The following ATG7 variants were observed in gnomAD, a reference collection of about 807,000 sequenced individuals.
The protein encoded by ATG7 is autophagy related 7.
ATG7 carries 70 observed loss-of-function variants against 82.4 expected under a neutral mutation model. That is an observed-to-expected ratio of 0.85 (90% CI 0.70 to 1.04). The LOEUF (loss-of-function observed/expected upper bound fraction) is 1.04. ATG7 is among the 50% of genes least tolerant of loss of function. The pLI, the probability that ATG7 is intolerant of heterozygous loss-of-function variation, is 0.00. For synonymous variants in ATG7, 287 were observed against 313.0 expected, an observed-to-expected ratio of 0.92 and a Z score of 0.88; for missense variants, 792 against 864.3, an observed-to-expected ratio of 0.92 and a Z score of 1.05.
chr3:11,510,222 T>G (rs1267318272), intron 20 of ATG7: 1 of 456,658 alleles, frequency 2.2e-6, no homozygotes. Flanking sequence ...AATGGCACCT[T>G]CCCCGCCCAT....
chr3:11,302,600 G>A (rs1946963748), intron 5 of ATG7, among the ~76,000 whole-genome samples: 2 of 152,204 alleles, frequency 1.3e-5, no homozygotes, highest in African/African-American at 2.4e-5. Context: ...TTGCATTATA[G>A]TGTGCTCAGT....
At chr3:11,274,955 C>A (rs1047416306) in intron 1 of ATG7, among the ~76,000 whole-genome samples, 3 of 151,810 alleles carry the variant, frequency 2.0e-5, no homozygotes, top group Non-Finnish European at 2.9e-5. Context: ...ATTACCCAGG[C>A]AGCAATGTGG....
At chr3:11,382,857 A>G (rs2152853561) in intron 19 of ATG7, among the ~76,000 whole-genome samples, 2 of 152,330 alleles carry the variant, frequency 1.3e-5, no homozygotes, top group South Asian at 4.1e-4. Context: ...ACTCCGGTAT[A>G]CACTTTACCC....
intron 20 of ATG7, among the ~76,000 whole-genome samples, chr3:11,504,264 G>A (rs796292128): frequency 2.0e-5 from 3 of 152,290 alleles, no homozygotes; most frequent in African/African-American, 7.2e-5. Context: ...ACAATAAAGG[G>A]AAATTATATC....
intron 18 of ATG7, among the ~76,000 whole-genome samples, chr3:11,365,798 A>G (rs1169235543): frequency 6.6e-6 from 1 of 152,208 alleles, no homozygotes; most frequent in East Asian, 1.9e-4. Context: ...GCCACAATCC[A>G]TACCTAAACT....
chr3:11,363,047 C>CA, intron 17 of ATG7, 119 bp downstream of exon 17: 5 of 880,926 alleles, frequency 5.7e-6, no homozygotes, highest in Non-Finnish European at 8.6e-6. Flanking sequence ...ATTTCACCCT[C>CA]AAAAAAACAA....
intron 20 of ATG7, among the ~76,000 whole-genome samples, chr3:11,525,031 C>CTTTA (rs76955931): frequency 0.15 from 23,010 of 151,300 alleles, 1,945 homozygotes; most frequent in Middle Eastern, 0.24. Flanking sequence ...GCAAATCTCA[C>CTTTA]TTTATTTATT....
chr3:11,533,415 T>G (rs2092728959), intron 20 of ATG7, among the ~76,000 whole-genome samples: 1 of 152,080 alleles, frequency 6.6e-6, no homozygotes, highest in South Asian at 2.1e-4. Flanking sequence ...AAGTGTAATT[T>G]TAAGGAGCAG....
intron 3 of ATG7, among the ~76,000 whole-genome samples, chr3:11,287,653 C>T (rs1037429236): frequency 1.3e-5 from 2 of 152,214 alleles, no homozygotes; most frequent in East Asian, 1.9e-4. Flanking sequence ...AAATGAGCTT[C>T]GTCTTGGCTT....
At chr3:11,511,583 GTA>G (rs1559779718) in intron 20 of ATG7, among the ~76,000 whole-genome samples, 21 of 152,322 alleles carry the variant, frequency 1.4e-4, no homozygotes, top group Non-Finnish European at 2.4e-4. Flanking sequence ...TGCCAGTCCC[GTA>G]CTGTGCGCTC....
intron 20 of ATG7, among the ~76,000 whole-genome samples, chr3:11,521,350 G>C (rs2092436231): frequency 6.6e-6 from 1 of 152,134 alleles, no homozygotes; most frequent in African/African-American, 2.4e-5. Context: ...GTCACAGAGG[G>C]TGACCTCACC....
At chr3:11,428,436 C>G (rs1360911267) in intron 20 of ATG7, among the ~76,000 whole-genome samples, 4 of 152,222 alleles carry the variant, frequency 2.6e-5, no homozygotes, top group African/African-American at 9.6e-5. Context: ...TAGTACATCT[C>G]TAGTGCTGGA....
the ATG7 span, among the ~76,000 whole-genome samples, chr3:11,573,931 G>A: frequency 6.6e-6 from 1 of 152,168 alleles, no homozygotes; most frequent in Admixed American, 6.5e-5. Context: ...GAAAACACTG[G>A]AAATCTGGAT....
At chr3:11,340,844 T>C in intron 12 of ATG7, 109 bp downstream of exon 12, 1 of 914,522 alleles carries the variant, frequency 1.1e-6, no homozygotes. Context: ...GGGGTGCCAG[T>C]CATGCTGCCG....
At chr3:11,444,095 T>G (rs962979936) in intron 20 of ATG7, among the ~76,000 whole-genome samples, 1 of 152,212 alleles carries the variant, frequency 6.6e-6, no homozygotes, top group African/African-American at 2.4e-5. Flanking sequence ...GTAGATTCTT[T>G]CGTGTCTTGT....
intron 20 of ATG7, among the ~76,000 whole-genome samples, chr3:11,486,233 T>G (rs144803516): frequency 6.6e-5 from 10 of 152,210 alleles, no homozygotes; most frequent in East Asian, 1.9e-4. Flanking sequence ...GTGGTTTGTA[T>G]TTCTCCTTGA....
chr3:11,277,082 A>T (rs1413216264), intron 1 of ATG7: 1 of 152,128 alleles, frequency 6.6e-6, no homozygotes, highest in East Asian at 1.9e-4. Flanking sequence ...TAGTCATCAG[A>T]GTTCTATAGA....
At chr3:11,539,679 C>T (rs541020925) in intron 20 of ATG7, among the ~76,000 whole-genome samples, 10 of 152,298 alleles carry the variant, frequency 6.6e-5, no homozygotes, top group African/African-American at 2.2e-4. Context: ...TTGTGAAACT[C>T]CCCCCGTCTT....
chr3:11,480,013 C>A (rs60097339), intron 20 of ATG7, among the ~76,000 whole-genome samples: 1,690 of 151,996 alleles, frequency 0.011, 31 homozygotes, highest in African/African-American at 0.038. Flanking sequence ...CTGCAAGTCC[C>A]GTCTCTGGGG....
Sources: allele counts gnomAD v4.1 joint callset (sites outside exome capture counted in the v4.1 genomes callset), GRCh38; gene constraint gnomAD v4.1.1; transcripts MANE v1.5; gene names NCBI Gene and HGNC (gene_info 2026-07-23, HGNC 2026-07-21).